Variants in SLC1A2 observed in about 807,000 individuals in gnomAD.
SLC1A2 encodes the protein excitatory amino acid transporter 2.
A neutral mutation model predicts 48.8 loss-of-function variants in SLC1A2; 15 were observed. The ratio of observed to expected loss-of-function variants is 0.31; its 90% CI spans 0.21 to 0.47. The LOEUF (loss-of-function observed/expected upper bound fraction) is 0.47, where lower values mean the gene tolerates loss of function less well. Among genes scored for constraint, SLC1A2 ranks in the 20% least tolerant of loss-of-function variants. The probability of loss-of-function intolerance (pLI) is 0.99; values close to 1 mark genes in which losing one functional copy is unlikely to be tolerated. For missense variants in SLC1A2, 502 were observed against 730.5 expected, an observed-to-expected ratio of 0.69 and a Z score of 3.61; for synonymous variants, 279 against 272.6, an observed-to-expected ratio of 1.02 and a Z score of -0.23.
chr11:35,368,024 G>A (rs761825070), intron 1 of SLC1A2, among the ~76,000 whole-genome samples: 2 of 152,112 alleles, frequency 1.3e-5, no homozygotes, highest in Non-Finnish European at 2.9e-5. Context: ...AGTATTAGAC[G>A]GTGTTGAAGG....
intron 1 of SLC1A2, among the ~76,000 whole-genome samples, chr11:35,394,714 A>C (rs534216816): frequency 5.0e-4 from 76 of 152,296 alleles, no homozygotes; most frequent in African/African-American, 1.8e-3. Flanking sequence ...GGGAGTGGCC[A>C]GTGCCAAATG....
At chr11:35,313,358 C>T (rs187686366) in intron 3 of SLC1A2, among the ~76,000 whole-genome samples, 79 of 152,266 alleles carry the variant, frequency 5.2e-4, no homozygotes, top group Middle Eastern at 3.4e-3. Flanking sequence ...GGGAACACCC[C>T]GTGAAGCACC....
intron 9 of SLC1A2, among the ~76,000 whole-genome samples, chr11:35,277,547 C>T (rs1395049306): frequency 6.6e-6 from 1 of 152,150 alleles, no homozygotes; most frequent in Non-Finnish European, 1.5e-5. Context: ...TAATGGGGGG[C>T]AGCCTCTATA....
At chr11:35,320,459 G>A (rs1350646353) in intron 1 of SLC1A2, among the ~76,000 whole-genome samples, 3 of 152,192 alleles carry the variant, frequency 2.0e-5, no homozygotes, top group Non-Finnish European at 4.4e-5. Flanking sequence ...CCCAGGTTCA[G>A]GGAAGAAGAA....
rs79971321 is a variant in SLC1A2, at chr11:35,273,765, A to G, written c.1421+7102T>C. ...TTATGGCACAGGCTGGGCAGGGGAG[A>G]ATGGGGAGGCTGGTATGTGGAAGGG... On this transcript the variant is annotated intron_variant, in intron 9 of 10. Transcript: ENST00000278379. Among the ~76,000 whole-genome samples, 757 of 152,186 alleles carry G rather than the reference A, an allele frequency of 5.0e-3. 8 individuals carry two copies. Among genetic ancestry groups the G allele is most frequent in the African/African-American group, 0.017 (719 of 41,494 alleles).
intron 1 of SLC1A2, among the ~76,000 whole-genome samples, chr11:35,412,684 C>A (rs1326724177): frequency 6.6e-6 from 1 of 152,188 alleles, no homozygotes; most frequent in African/African-American, 2.4e-5. Flanking sequence ...CAGTAAAGAG[C>A]GTAAGTTAAG....
chr11:35,265,789 A>T, intron 9 of SLC1A2, 31 bp from the exon 10 acceptor site: 1 of 1,411,394 alleles, frequency 7.1e-7, no homozygotes, highest in Non-Finnish European at 1.0e-6. Flanking sequence ...AGGTTCAGTG[A>T]GGAAGCAGTA....
At chr11:35,278,276 T>G (rs1008979281) in intron 9 of SLC1A2, among the ~76,000 whole-genome samples, 5 of 137,860 alleles carry the variant, frequency 3.6e-5, no homozygotes, top group East Asian at 2.0e-4. Flanking sequence ...TTTTTTTGTT[T>G]TTTTTTTTTT....
At chr11:35,374,149 C>A in intron 1 of SLC1A2, 1 of 283,078 alleles carries the variant, frequency 3.5e-6, no homozygotes, top group Non-Finnish European at 7.3e-6. Context: ...CTTCACTGCC[C>A]TGTGTCCTCT....
intron 1 of SLC1A2, among the ~76,000 whole-genome samples, chr11:35,320,272 G>T (rs1852013250): frequency 6.6e-6 from 1 of 152,162 alleles, no homozygotes; most frequent in Admixed American, 6.5e-5. Context: ...TTTATTGAGT[G>T]TTCTCTATGT....
chr11:35,317,533 G>A lies in SLC1A2; in HGVS notation c.18-17C>T. The stretch of plus-strand genomic sequence containing the variant: ...TTGTTGGCACTGGAACAGAAGTGAA[G>A]GCAGAGATTAGAGAGACTGGCACCT... On this transcript the variant is annotated splice_polypyrimidine_tract_variant and intron_variant, in intron 1 of 10. Coordinates refer to ENST00000278379, the MANE Select transcript of SLC1A2 (RefSeq NM_004171.4). 6.2e-7 allele frequency: 1 copy of A among 1,610,482 alleles called. No homozygotes were observed. Among genetic ancestry groups the A allele is most frequent in the East Asian group, 2.2e-5 (1 of 44,864 alleles).
intron 1 of SLC1A2, among the ~76,000 whole-genome samples, chr11:35,418,113 C>T (rs969709249): frequency 6.6e-6 from 1 of 152,224 alleles, no homozygotes; most frequent in Non-Finnish European, 1.5e-5. Context: ...GGTCCAAGGA[C>T]TCTGTGGACC....
intron 1 of SLC1A2, among the ~76,000 whole-genome samples, chr11:35,386,034 C>T (rs1268544378): frequency 1.3e-5 from 2 of 152,070 alleles, no homozygotes; most frequent in Admixed American, 6.6e-5. Flanking sequence ...GGCATGGTGG[C>T]GGATGCCTGT....
intron 2 of SLC1A2, chr11:35,316,510 G>GGCGA (rs1347591969): frequency 2.0e-5 from 3 of 152,208 alleles, no homozygotes; most frequent in Non-Finnish European, 4.4e-5. Flanking sequence ...ACTTAGCTGT[G>GGCGA]GCGAGCTCCC....
At chr11:35,397,382 A>G (rs1311763574) in intron 1 of SLC1A2, among the ~76,000 whole-genome samples, 2 of 144,268 alleles carry the variant, frequency 1.4e-5, no homozygotes, top group African/African-American at 5.0e-5. Flanking sequence ...CCGCATACCT[A>G]CAACTATCTG....
chr11:35,341,061 G>A (rs1051010407), intron 1 of SLC1A2, among the ~76,000 whole-genome samples: 14 of 152,300 alleles, frequency 9.2e-5, no homozygotes, highest in Admixed American at 6.5e-4. Flanking sequence ...GGTTGACAGC[G>A]GGGAAGGGAC....
chr11:35,316,124 A>C (rs899391226), intron 2 of SLC1A2: 1 of 152,236 alleles, frequency 6.6e-6, no homozygotes, highest in Non-Finnish European at 1.5e-5. Flanking sequence ...ATGGACTCTA[A>C]GATATATAAT....
chr11:35,380,589 C>T, intron 1 of SLC1A2: 1 of 394,358 alleles, frequency 2.5e-6, no homozygotes, highest in Non-Finnish European at 4.5e-6. Flanking sequence ...TCCCTCTTTC[C>T]CTTTCTTCCA....
intron 1 of SLC1A2, among the ~76,000 whole-genome samples, chr11:35,346,061 T>C (rs1265165186): frequency 6.6e-6 from 1 of 151,568 alleles, no homozygotes; most frequent in African/African-American, 2.4e-5. Context: ...CCATGTTCTT[T>C]TTTTTTTTCT....
Sources: allele counts gnomAD v4.1 joint callset (sites outside exome capture counted in the v4.1 genomes callset), GRCh38; gene constraint gnomAD v4.1.1; transcripts MANE v1.5; gene names NCBI Gene and HGNC (gene_info 2026-07-23, HGNC 2026-07-21).